Variants in CAMSAP2 observed in about 807,000 individuals in gnomAD.
CAMSAP2 encodes the protein calmodulin regulated spectrin associated protein family member 2.
A neutral mutation model predicts 146.1 loss-of-function variants in CAMSAP2; 26 were observed. The ratio of observed to expected loss-of-function variants is 0.18; its 90% CI spans 0.13 to 0.25. The LOEUF is 0.25. Ranked by LOEUF, CAMSAP2 falls within the 10% of genes least tolerant of loss-of-function variation. The pLI is 1.00. For missense variants in CAMSAP2, 1,381 were observed against 1,759.3 expected (o/e 0.78, Z 3.85); for synonymous variants, 499 against 596.6 (o/e 0.84, Z 2.38).
In CAMSAP2 at chr1:200,832,143, T is replaced by G. The variant is rs552762118; in HGVS notation, c.646-57T>G. 4.3e-6 allele frequency: 6 copies of G among 1,411,746 alleles called. No homozygotes were observed. The East Asian group carries it at 1.4e-4, about 33-fold the overall frequency. The allele number at this position is 1,411,746 out of a possible 1,614,324, so 87.5% of individuals were successfully genotyped here. On this transcript the variant is annotated intron_variant, in intron 4 of 16. Transcript: ENST00000358823. This position sits in a 1 kb window ranked among gnomAD's most constrained non-coding sequence, Gnocchi z 4.2. ...ACATTAGAATTTACAGTACTGATTTTTTTCCTATGCGTTATTTGGTACTTA... is the reference window on the plus strand; with the variant it reads ...ACATTAGAATTTACAGTACTGATTTGTTTCCTATGCGTTATTTGGTACTTA...
intron 1 of CAMSAP2, among the ~76,000 whole-genome samples, chr1:200,743,143 G>A (rs1218975510): frequency 6.6e-6 from 1 of 152,178 alleles, no homozygotes; most frequent in Non-Finnish European, 1.5e-5. Context: ...ACCCATTTAA[G>A]CAAAGATTTT....
At chr1:200,753,755 C>T (rs932674983) in intron 1 of CAMSAP2, among the ~76,000 whole-genome samples, 9 of 152,146 alleles carry the variant, frequency 5.9e-5, no homozygotes, top group African/African-American at 2.2e-4. Context: ...CTTCCATTCA[C>T]TCTTCCCTGC....
chr1:200,828,217 C>T (rs1666952073), intron 4 of CAMSAP2, among the ~76,000 whole-genome samples: 1 of 152,056 alleles, frequency 6.6e-6, no homozygotes, highest in African/African-American at 2.4e-5. Context: ...GCAAACCTAG[C>T]TGTAGAATAT....
intron 8 of CAMSAP2, among the ~76,000 whole-genome samples, chr1:200,845,297 G>T (rs554426202): frequency 2.7e-5 from 4 of 150,904 alleles, no homozygotes; most frequent in African/African-American, 9.8e-5. Context: ...AGAGATCACA[G>T]TGTTACCCAC....
chr1:200,814,057 G>A (rs1429125605), intron 3 of CAMSAP2, among the ~76,000 whole-genome samples: 4 of 138,160 alleles, frequency 2.9e-5, no homozygotes, highest in Non-Finnish European at 6.1e-5. Context: ...GTAGTAAGTC[G>A]AGATCACGCC....
At chr1:200,751,274 G>A (rs915953429) in intron 1 of CAMSAP2, among the ~76,000 whole-genome samples, 7 of 150,876 alleles carry the variant, frequency 4.6e-5, no homozygotes, top group Non-Finnish European at 1.0e-4. Flanking sequence ...TAATATTTCT[G>A]GACCATTTGA....
chr1:200,835,838 G>GA (rs1667171336), intron 6 of CAMSAP2, among the ~76,000 whole-genome samples: 1 of 151,868 alleles, frequency 6.6e-6, no homozygotes. Flanking sequence ...AATCTCAAAG[G>GA]AAAAAAACTG....
intron 4 of CAMSAP2, among the ~76,000 whole-genome samples, chr1:200,815,924 AAAC>A (rs1457553415): frequency 2.0e-5 from 3 of 152,220 alleles, no homozygotes; most frequent in Admixed American, 6.5e-5. Flanking sequence ...AAAATGTGTA[AAAC>A]AACAAGGAAA....
chr1:200,852,469 GACT>G (rs1369720975), intron 11 of CAMSAP2, 69 bp from the exon 12 acceptor site: 1 of 1,532,864 alleles, frequency 6.5e-7, no homozygotes, highest in Non-Finnish European at 8.8e-7. Flanking sequence ...CACAAAATGT[GACT>G]ACAACAATTG....
intron 6 of CAMSAP2, among the ~76,000 whole-genome samples, chr1:200,839,867 T>A (rs1441885702): frequency 2.6e-5 from 4 of 152,210 alleles, no homozygotes; most frequent in Non-Finnish European, 5.9e-5. Flanking sequence ...ATAAATTTTT[T>A]AAAACTGTAA....
chr1:200,762,827 A>C (rs16847183), intron 2 of CAMSAP2, among the ~76,000 whole-genome samples: 19,592 of 152,170 alleles, frequency 0.13, 1,295 homozygotes, highest in East Asian at 0.17. Flanking sequence ...TGTTTCTTTC[A>C]CACTTTATTG....
intron 2 of CAMSAP2, among the ~76,000 whole-genome samples, chr1:200,783,018 G>A (rs762302028): frequency 7.3e-5 from 11 of 151,286 alleles, no homozygotes; most frequent in South Asian, 2.1e-4. Flanking sequence ...CGCCTGCCTC[G>A]GCCTCCCAAA....
At chr1:200,742,627 T>C (rs73086631) in intron 1 of CAMSAP2, among the ~76,000 whole-genome samples, 16,044 of 152,162 alleles carry the variant, frequency 0.11, 920 homozygotes, top group Middle Eastern at 0.14. Context: ...TAATTATATT[T>C]AGTTGTTCAA....
chr1:200,848,375 C>A lies in CAMSAP2; in HGVS notation c.1606C>A (p.Gln536Lys). Reference sequence around the variant, plus strand: ...AATACTTCTTGACGAGTTTGGCAATCAGATCGAGACACCAAGCATTGAAGA... The same window carrying A: ...AATACTTCTTGACGAGTTTGGCAATAAGATCGAGACACCAAGCATTGAAGA... ...NRILLDEFGN[Q>K]IETPSIEEAL... The change falls in exon 11 of 17, where the codon CAG (glutamine) becomes AAG (lysine). Residue 536 changes from glutamine to lysine, a missense_variant. Gln to Lys is a moderately conservative substitution (Grantham distance 53). Around this residue, in one of 4 missense-constraint regions of CAMSAP2, gnomAD observed 447 missense variants for 462.2 expected, o/e 0.97. Coordinates refer to ENST00000358823, the MANE Select transcript of CAMSAP2 (RefSeq NM_203459.4). 1 of 1,613,928 alleles carries A rather than the reference C, an allele frequency of 6.2e-7. No homozygotes were observed. The highest frequency in any genetic ancestry group is 1.1e-5 in the South Asian group (1 of 91,064).
At chr1:200,762,157 G>T (rs1257327785) in intron 2 of CAMSAP2, among the ~76,000 whole-genome samples, 1 of 152,174 alleles carries the variant, frequency 6.6e-6, no homozygotes, top group Non-Finnish European at 1.5e-5. Flanking sequence ...AAAAAAATTA[G>T]TTTATAAAAT....
At chr1:200,792,332 A>G (rs1665776641) in intron 2 of CAMSAP2, among the ~76,000 whole-genome samples, 1 of 152,260 alleles carries the variant, frequency 6.6e-6, no homozygotes, top group Non-Finnish European at 1.5e-5. Context: ...TACATATAAC[A>G]GCTTGTATGA....
chr1:200,828,635 C>G (rs1159062667), intron 4 of CAMSAP2: 3 of 1,544,162 alleles, frequency 1.9e-6, no homozygotes. Context: ...TCAGTTTGCT[C>G]TCCAGAATTG....
At chr1:200,745,559 A>G (rs1175611475) in intron 1 of CAMSAP2, among the ~76,000 whole-genome samples, 1 of 152,212 alleles carries the variant, frequency 6.6e-6, no homozygotes, top group African/African-American at 2.4e-5. Context: ...TGATCATACA[A>G]CTTGTAAGAG....
Position 200,857,370 on chromosome 1 carries a change from T to C in CAMSAP2, c.4077T>C (p.Ala1359=), listed in dbSNP as rs373969192. 14 of 1,613,690 alleles carry C rather than the reference T, an allele frequency of 8.7e-6. No homozygotes were observed. The highest frequency in any genetic ancestry group is 1.2e-5 in the Non-Finnish European group (14 of 1,179,812). ...SNKHIIQNAL[A]HCCLAGKVNE... ...AGCACATAATACAAAATGCTTTAGC[T>C]CATTGCTGTTTGGCTGGAAAAGTAA... Residue 1359 remains alanine, a synonymous_variant, in exon 16 of 17, where the codon GCT becomes GCC. Coordinates refer to ENST00000358823, the MANE Select transcript of CAMSAP2 (RefSeq NM_203459.4). The surrounding 1 kb of genome is among the most constrained non-coding windows in gnomAD (Gnocchi z 4.7).
Sources: allele counts gnomAD v4.1 joint callset (sites outside exome capture counted in the v4.1 genomes callset), GRCh38; gene constraint gnomAD v4.1.1; regional missense constraint gnomAD v4.1.1; non-coding constraint Gnocchi (gnomAD v3.1); transcripts MANE v1.5; gene names NCBI Gene and HGNC (gene_info 2026-07-23, HGNC 2026-07-21).